The following STK39 variants were observed in gnomAD, a reference collection of about 807,000 sequenced individuals.
STK39 encodes the protein STE20/SPS1-related proline-alanine-rich protein kinase.
In STK39, 20 loss-of-function variants were observed where a neutral mutation model predicts 77.8. That is an observed-to-expected ratio of 0.26 (90% CI 0.18 to 0.37). The LOEUF (loss-of-function observed/expected upper bound fraction) is 0.37, where lower values mean the gene tolerates loss of function less well. STK39 is among the 10% of genes least tolerant of loss of function. The pLI, the probability that STK39 is intolerant of heterozygous loss-of-function variation, is 1.00. For synonymous variants in STK39, 246 were observed against 234.1 expected (o/e 1.05, Z -0.47); for missense variants, 479 against 656.5 (o/e 0.73, Z 2.95).
At chr2:167,994,420 G>T (rs1045318617) in intron 16 of STK39, among the ~76,000 whole-genome samples, 5 of 151,924 alleles carry the variant, frequency 3.3e-5, no homozygotes, top group African/African-American at 7.2e-5. Flanking sequence ...CATAGAATTT[G>T]TTTTTTGTGT....
Position 168,247,420 on chromosome 2 carries a change from C to G in STK39, c.16G>C (p.Gly6Arg), listed in dbSNP as rs747014948. 3 of 1,233,518 alleles carry G rather than the reference C, an allele frequency of 2.4e-6. No homozygotes were observed. The highest frequency in any genetic ancestry group is 6.4e-5 in the Admixed American group (2 of 31,382). The allele number at this position is 1,233,518 out of a possible 1,614,324, so 76.4% of individuals were successfully genotyped here. Residue 6 changes from glycine (G) to arginine (R), a missense_variant, in exon 1 of 18, where the codon GGC (glycine) becomes CGC (arginine). By Grantham distance (125) the Gly-to-Arg change is moderately radical. Transcript: ENST00000355999. Reference sequence around the variant, plus strand: ...GGAAGCTGGACGTGCACGGGCGAGCCGCTCGGCTCCGCCATGATGCTGCGG... The same window carrying G: ...GGAAGCTGGACGTGCACGGGCGAGCGGCTCGGCTCCGCCATGATGCTGCGG... The part of the protein sequence containing the change: MAEPS[G>R]SPVHVQLPQQ...
intron 17 of STK39, among the ~76,000 whole-genome samples, chr2:167,960,627 C>T (rs1691927394): frequency 6.6e-6 from 1 of 152,086 alleles, no homozygotes; most frequent in South Asian, 2.1e-4. Context: ...AACACTCCAT[C>T]TCCTCACCCC....
chr2:168,237,691 T>C (rs1171340047), intron 1 of STK39, among the ~76,000 whole-genome samples: 2 of 152,198 alleles, frequency 1.3e-5, no homozygotes, highest in East Asian at 1.9e-4. Flanking sequence ...TTTGGGACCA[T>C]AGGCAAGTTT....
chr2:168,003,268 G>A (rs1684046880), intron 16 of STK39, among the ~76,000 whole-genome samples: 1 of 152,134 alleles, frequency 6.6e-6, no homozygotes. Context: ...GAGCCACCAC[G>A]CCTGGCCCAA....
At chr2:168,165,180 T>C (rs919730247) in intron 3 of STK39, among the ~76,000 whole-genome samples, 5 of 152,202 alleles carry the variant, frequency 3.3e-5, no homozygotes, top group African/African-American at 2.4e-5. Flanking sequence ...CAGGCATGCA[T>C]GCATTTCTGT....
At chr2:168,147,054 T>C (rs1688157871) in intron 5 of STK39, among the ~76,000 whole-genome samples, 1 of 152,210 alleles carries the variant, frequency 6.6e-6, no homozygotes, top group African/African-American at 2.4e-5. Flanking sequence ...TATTTTTCTT[T>C]ATTGAGAAGG....
At chr2:168,245,341 T>A (rs1690870787) in intron 1 of STK39, among the ~76,000 whole-genome samples, 1 of 152,202 alleles carries the variant, frequency 6.6e-6, no homozygotes, top group South Asian at 2.1e-4. Context: ...TCCCTATGTC[T>A]CCTAACAACT....
chr2:168,075,259 T>C (rs770325732), intron 10 of STK39, 28 bp from the exon 11 acceptor site: 1 of 1,612,326 alleles, frequency 6.2e-7, no homozygotes, highest in East Asian at 2.2e-5. Flanking sequence ...CACACAATTC[T>C]TCACTAGTCA....
At chr2:168,118,204 A>C (rs929643484) in intron 10 of STK39, among the ~76,000 whole-genome samples, 1 of 152,118 alleles carries the variant, frequency 6.6e-6, no homozygotes, top group Admixed American at 6.5e-5. Context: ...ACGCCACTTC[A>C]GTTCCAGAAA....
chr2:168,213,689 T>TA (rs10706908), intron 1 of STK39, among the ~76,000 whole-genome samples: 2,176 of 124,188 alleles, frequency 0.018, 21 homozygotes, highest in African/African-American at 0.031. Flanking sequence ...CAGCCATATT[T>TA]AAAAAAAAAA....
Position 168,227,847 on chromosome 2 carries a change from T to C in STK39, c.208+19381A>G, listed in dbSNP as rs568444347. ...TAATTTTTTGTATTTTTAGTAGAGA[T>C]GGGGTTTCACCGTGTTAGCCAGGAT... On this transcript the variant is annotated intron_variant, in intron 1 of 17. Coordinates refer to ENST00000355999, the MANE Select transcript of STK39 (RefSeq NM_013233.3). Among the ~76,000 whole-genome samples the C allele has an allele frequency of 1.5e-4, 21 of 143,346 alleles. No homozygotes were observed. In the South Asian group the frequency reaches 2.8e-3, roughly 19 times the overall value. The allele number at this position is 143,346 out of a possible 152,430, so 94.0% of individuals were successfully genotyped here.
At chr2:168,115,823 T>C (rs997813425) in intron 10 of STK39, among the ~76,000 whole-genome samples, 1 of 152,122 alleles carries the variant, frequency 6.6e-6, no homozygotes, top group African/African-American at 2.4e-5. Context: ...GGACAAGGGC[T>C]ATGGGCAAGT....
chr2:168,149,447 G>A (rs1449899571), intron 5 of STK39, among the ~76,000 whole-genome samples: 1 of 152,164 alleles, frequency 6.6e-6, no homozygotes, highest in African/African-American at 2.4e-5. Context: ...GACATCTCTA[G>A]GTCCCCTGCA....
chr2:168,074,419 C>A (rs1340817492), intron 12 of STK39, among the ~76,000 whole-genome samples: 1 of 152,104 alleles, frequency 6.6e-6, no homozygotes, highest in Non-Finnish European at 1.5e-5. Context: ...GGAAGTAAAT[C>A]AAATACGATC....
At chr2:168,007,377 T>C (rs886981453) in intron 16 of STK39, among the ~76,000 whole-genome samples, 6 of 152,340 alleles carry the variant, frequency 3.9e-5, no homozygotes, top group African/African-American at 1.2e-4. Context: ...GATTTGTTTA[T>C]CTCTAACAAA....
chr2:168,033,677 T>C (rs547838833), intron 14 of STK39, among the ~76,000 whole-genome samples: 22 of 152,320 alleles, frequency 1.4e-4, no homozygotes, highest in African/African-American at 4.6e-4. Flanking sequence ...TCTGACTCCT[T>C]TCCTATCCTT....
chr2:167,993,627 C>T (rs747270314), intron 16 of STK39, among the ~76,000 whole-genome samples: 1 of 152,202 alleles, frequency 6.6e-6, no homozygotes, highest in Non-Finnish European at 1.5e-5. Flanking sequence ...AGATGCTAAA[C>T]AACCCTGAAA....
rs1369228246 is a variant in STK39, at chr2:168,039,314, C to T, written c.1377-22219G>A. 1.1e-4 allele frequency among the ~76,000 whole-genome samples: 2 copies of T among 18,960 alleles called. 1 individual carries two copies. Among genetic ancestry groups the T allele is most frequent in the South Asian group, 1.7e-3 (2 of 1,196 alleles). 12.4% of individuals were successfully genotyped at this position (18,960 alleles called of 152,430 possible). A position where few individuals can be genotyped will look rare whatever the true frequency, so the allele number is the denominator to read the frequency against. On this transcript the variant is annotated intron_variant, in intron 14 of 17. Transcript: ENST00000355999. ...ATAGCTTGAAAAAAGCAGATCAGGC[C>T]GGGCGCGGTGGCTCACGCCTGTAAT...
chr2:168,229,574 T>C (rs1181504045), intron 1 of STK39, among the ~76,000 whole-genome samples: 1 of 152,178 alleles, frequency 6.6e-6, no homozygotes, highest in Non-Finnish European at 1.5e-5. Flanking sequence ...TTTGAAAAAC[T>C]GTGAAACGGG....
Sources: allele counts gnomAD v4.1 joint callset (sites outside exome capture counted in the v4.1 genomes callset), GRCh38; gene constraint gnomAD v4.1.1; transcripts MANE v1.5; gene names NCBI Gene and HGNC (gene_info 2026-07-23, HGNC 2026-07-21).